ADGRE2: variants seen among roughly 807,000 people sequenced by gnomAD.
ADGRE2 encodes adhesion G protein-coupled receptor E2.
Under a neutral mutation model 100.8 loss-of-function variants are expected in ADGRE2, and 83 were observed. That is an observed-to-expected ratio of 0.82 (90% CI 0.69 to 0.99). The LOEUF is 0.99. ADGRE2 is among the 50% of genes least tolerant of loss of function. ADGRE2 has a pLI of 0.00. For missense variants in ADGRE2, 814 were observed against 1,035.7 expected (o/e 0.79, Z 2.94); for synonymous variants, 355 against 413.0 (o/e 0.86, Z 1.70).
At chr19:14,773,288 C>CCCTT (rs960204502) in intron 4 of ADGRE2, among the ~76,000 whole-genome samples, 106 of 146,826 alleles carry the variant, frequency 7.2e-4, no homozygotes, top group Non-Finnish European at 1.2e-3. Flanking sequence ...CCTTTTTCCT[C>CCCTT]CCTTCCTTCC....
In ADGRE2 at chr19:14,751,758, T is replaced by A. The variant is rs960452191; in HGVS notation, c.1789-87A>T. The A allele has an allele frequency of 5.5e-6, 5 of 913,658 alleles. No homozygotes were observed. The African/African-American group carries it at 8.4e-5, about 15-fold the overall frequency. 56.6% of individuals were successfully genotyped at this position (913,658 alleles called of 1,614,324 possible). A position where few individuals can be genotyped will look rare whatever the true frequency, so the allele number is the denominator to read the frequency against. On this transcript the variant is annotated intron_variant, in intron 15 of 20. Coordinates refer to ENST00000315576, the MANE Select transcript of ADGRE2 (RefSeq NM_013447.4). Reference sequence around the variant, plus strand: ...TCCTGTACCATGTTGTTGGGGAGAATTCTGAGATATTTGATGGCATTATAG... The same window carrying A: ...TCCTGTACCATGTTGTTGGGGAGAAATCTGAGATATTTGATGGCATTATAG...
At chr19:14,731,827 T>C (rs1027356632), downstream of ADGRE2, 5 of 152,198 alleles carry the variant, frequency 3.3e-5, no homozygotes, top group African/African-American at 1.2e-4. Context: ...ATTAACATTA[T>C]TTCCATCATA....
At chr19:14,774,162 CT>C (rs1376022643) in intron 3 of ADGRE2, 93 bp downstream of exon 3, 1 of 1,521,136 alleles carries the variant, frequency 6.6e-7, no homozygotes, top group African/African-American at 1.4e-5. Flanking sequence ...CACGAGCCCT[CT>C]CTTTCCCTGG....
At chr19:14,736,945 C>T (rs1026806851) in intron 20 of ADGRE2, among the ~76,000 whole-genome samples, 1 of 123,460 alleles carries the variant, frequency 8.1e-6, no homozygotes, top group Non-Finnish European at 1.7e-5. Flanking sequence ...ATATATATGA[C>T]TATAGAAAGA....
intron 16 of ADGRE2, among the ~76,000 whole-genome samples, chr19:14,748,656 A>T (rs1238035767): frequency 6.6e-6 from 1 of 152,152 alleles, no homozygotes; most frequent in Non-Finnish European, 1.5e-5. Context: ...TTTTGTGGAC[A>T]TCGTTTTCAT....
chr19:14,729,648 G>A (rs557738284), downstream of ADGRE2, among the ~76,000 whole-genome samples: 9 of 152,252 alleles, frequency 5.9e-5, no homozygotes, highest in South Asian at 1.0e-3. Context: ...CACTGCGCCC[G>A]GTGGGATACA....
At chr19:14,772,316 G>A (rs1307017006) in intron 5 of ADGRE2, 26 bp downstream of exon 5, 2 of 1,613,842 alleles carry the variant, frequency 1.2e-6, no homozygotes, top group African/African-American at 1.3e-5. Context: ...GGACAGTGGT[G>A]ATGGAGGATG....
intron 15 of ADGRE2, 31 bp from the exon 16 acceptor site, chr19:14,751,702 G>A: frequency 6.4e-7 from 1 of 1,570,958 alleles, no homozygotes; most frequent in East Asian, 2.2e-5. Flanking sequence ...GCCCAGAGCG[G>A]CGATCAGATT....
At chr19:14,771,214 C>A (rs546401685) in intron 5 of ADGRE2, among the ~76,000 whole-genome samples, 27 of 152,252 alleles carry the variant, frequency 1.8e-4, no homozygotes, top group East Asian at 1.7e-3. Flanking sequence ...AGGAGCACTG[C>A]CACTTTTCTC....
At chr19:14,770,090 C>A (rs766769263) in intron 5 of ADGRE2, among the ~76,000 whole-genome samples, 1 of 152,154 alleles carries the variant, frequency 6.6e-6, no homozygotes, top group Non-Finnish European at 1.5e-5. Flanking sequence ...TATTTGTCCC[C>A]TCCAAATCTC....
At chr19:14,745,185 C>T (rs1018374883) in intron 18 of ADGRE2, among the ~76,000 whole-genome samples, 2 of 152,100 alleles carry the variant, frequency 1.3e-5, no homozygotes, top group East Asian at 1.9e-4. Flanking sequence ...GCTGGGATTA[C>T]AGGCATGAGC....
downstream of ADGRE2, among the ~76,000 whole-genome samples, chr19:14,730,217 G>C (rs2042658853): frequency 2.0e-5 from 3 of 152,054 alleles, no homozygotes; most frequent in South Asian, 6.2e-4. Context: ...ACCATGCCTG[G>C]TTAATTTTTG....
the ADGRE2 span, among the ~76,000 whole-genome samples, chr19:14,726,125 A>G: frequency 6.6e-6 from 1 of 152,092 alleles, no homozygotes; most frequent in Non-Finnish European, 1.5e-5. Flanking sequence ...ACCTGGAACC[A>G]CCAAAGCTTA....
rs200502097 is a variant in ADGRE2 at position 14,764,455 on chromosome 19, G to A, written c.1062C>T (p.Asn354=). The A allele has an allele frequency of 1.9e-6, 3 of 1,613,148 alleles. No individual in the cohort carries two copies. The highest frequency in any genetic ancestry group is 2.2e-5 in the South Asian group (2 of 91,082). ...TACCTGTGCCTGCAGGATAACTGAAGTTCAACAGCCCATTGGAAAGGTTCT... is the reference window on the plus strand; with the variant it reads ...TACCTGTGCCTGCAGGATAACTGAAATTCAACAGCCCATTGGAAAGGTTCT... ...LSKNLSNGLL[N]FSYPAGTELS... The change falls in exon 11 of 21, where the codon AAC becomes AAT. Residue 354 remains asparagine (N), a synonymous_variant. Coordinates refer to ENST00000315576, the MANE Select transcript of ADGRE2 (RefSeq NM_013447.4).
chr19:14,777,833 T>C (rs191741924), intron 1 of ADGRE2, among the ~76,000 whole-genome samples: 1 of 152,302 alleles, frequency 6.6e-6, no homozygotes, highest in East Asian at 1.9e-4. Flanking sequence ...CTCATCCTTT[T>C]TTATAGCTGC....
Position 14,734,020 on chromosome 19 carries a change from T to C in ADGRE2, c.*2216A>G, listed in dbSNP as rs910937575. The C allele has an allele frequency of 6.6e-6, 1 of 152,140 alleles. No homozygotes were observed. The highest frequency in any genetic ancestry group is 2.4e-5 in the African/African-American group (1 of 41,420). 9.4% of individuals were successfully genotyped at this position (152,140 alleles called of 1,614,324 possible). On this transcript the variant is annotated 3_prime_UTR_variant, in exon 21 of 21. Coordinates refer to ENST00000315576, the MANE Select transcript of ADGRE2 (RefSeq NM_013447.4). ...GCACTGGGAAATGTTCCCAGCTGAG[T>C]TGACAAAGCAATGCTCTGTAATGTT...
In ADGRE2 at chr19:14,736,129, T is replaced by C; in HGVS notation, c.*107A>G. The C allele has an allele frequency of 3.7e-6, 4 of 1,076,956 alleles. No homozygotes were observed. In the South Asian group the frequency reaches 5.7e-5, roughly 15 times the overall value. 66.7% of individuals were successfully genotyped at this position (1,076,956 alleles called of 1,614,324 possible). On this transcript the variant is annotated 3_prime_UTR_variant, in exon 21 of 21. Coordinates refer to ENST00000315576, the MANE Select transcript of ADGRE2 (RefSeq NM_013447.4). ...TCCTTCATATTGCTGACATGGTGAATTTCTTGAAACACACAGAACAAAGTC... is the reference window on the plus strand; with the variant it reads ...TCCTTCATATTGCTGACATGGTGAACTTCTTGAAACACACAGAACAAAGTC...
At position 14,751,440 on chromosome 19, in the gene ADGRE2, A is replaced by T; in HGVS notation, c.2020T>A (p.Ser674Thr). ...ASRPHLYGTP[S>T]RCWLQPEKGF... ...ATTGTGAGAATTTGCACTAACCGGG[A>T]AGGTGTTCCATAAAGGTGAGGCCTG... Residue 674 changes from serine (S) to threonine (T), a missense_variant, in exon 16 of 21, where the codon TCC becomes ACC. By Grantham distance (58) the Ser-to-Thr change is moderately conservative (BLOSUM62 1). Coordinates refer to ENST00000315576, the MANE Select transcript of ADGRE2 (RefSeq NM_013447.4). The T allele has an allele frequency of 6.2e-7, 1 of 1,612,326 alleles. No individual in the cohort carries two copies. Among genetic ancestry groups the T allele is most frequent in the Non-Finnish European group, 8.5e-7 (1 of 1,178,392 alleles).
Position 14,756,316 on chromosome 19 carries a change from C to T in ADGRE2, c.1114G>A (p.Asp372Asn). The change falls in exon 12 of 21, where the codon GAC (aspartate) becomes AAC (asparagine). Residue 372 changes from aspartate to asparagine, a missense_variant. Around this residue, in one of 5 missense-constraint regions of ADGRE2, gnomAD observed 569 missense variants for 692.7 expected, o/e 0.82. Transcript: ENST00000315576. ...TTCTGTCTCAAGGTGACACTCCTGTCTACTTGCTTCTGCACCTCCAGGGAC... is the reference window on the plus strand; with the variant it reads ...TTCTGTCTCAAGGTGACACTCCTGTTTACTTGCTTCTGCACCTCCAGGGAC... ...ELSLEVQKQV[D>N]RSVTLRQNQA... 6.2e-7 allele frequency: 1 copy of T among 1,614,056 alleles called. No homozygotes were observed. Among genetic ancestry groups the T allele is most frequent in the Non-Finnish European group, 8.5e-7 (1 of 1,179,974 alleles).
Sources: gnomAD v4.1 joint callset for allele counts (sites outside exome capture counted in the v4.1 genomes callset) on GRCh38, gnomAD v4.1.1 for gene constraint, gnomAD v4.1.1 regional missense constraint, MANE v1.5 for transcripts, NCBI Gene and HGNC (gene_info 2026-07-23, HGNC 2026-07-21) for gene names.